MCF2L2: variants seen among roughly 807,000 people sequenced by gnomAD.
The protein encoded by MCF2L2 is MCF.2 cell line derived transforming sequence-like 2, also known as probable guanine nucleotide exchange factor MCF2L2.
MCF2L2 carries 102 observed loss-of-function variants against 150.2 expected under a neutral mutation model. The ratio of observed to expected loss-of-function variants is 0.68; its 90% CI spans 0.58 to 0.80. MCF2L2 has a LOEUF of 0.80. Among genes scored for constraint, MCF2L2 ranks in the 30% least tolerant of loss-of-function variants. The pLI is 0.00. For synonymous variants in MCF2L2, 465 were observed against 491.3 expected (o/e 0.95, Z 0.71); for missense variants, 1,256 against 1,372.8 (o/e 0.91, Z 1.34).
intron 1 of MCF2L2, among the ~76,000 whole-genome samples, chr3:183,402,451 C>CAAAAAAAAAAAAAAAAAAAAAAAAAAAA (rs779201489): frequency 1.8e-5 from 1 of 54,762 alleles, no homozygotes; most frequent in Non-Finnish European, 4.3e-5. Context: ...GAGACTCCAT[C>CAAAAAAAAAAAAAAAAAAAAAAAAAAAA]AAAAAAAAAA....
chr3:183,311,286 C>T (rs946256490), intron 8 of MCF2L2, among the ~76,000 whole-genome samples: 6 of 152,154 alleles, frequency 3.9e-5, no homozygotes, highest in Non-Finnish European at 8.8e-5. Flanking sequence ...GAATGTGCTC[C>T]GGCTGATCTT....
intron 14 of MCF2L2, among the ~76,000 whole-genome samples, chr3:183,279,144 CAAG>C (rs1727332609): frequency 6.6e-6 from 1 of 150,854 alleles, no homozygotes; most frequent in African/African-American, 2.5e-5. Flanking sequence ...CCACAACTCA[CAAG>C]AAGTACATAA....
chr3:183,327,937 ACC>A (rs1730117577), intron 5 of MCF2L2, among the ~76,000 whole-genome samples: 1 of 152,198 alleles, frequency 6.6e-6, no homozygotes, highest in Admixed American at 6.5e-5. Flanking sequence ...CTTTGGTCAC[ACC>A]TGAGTTTACA....
intron 3 of MCF2L2, among the ~76,000 whole-genome samples, chr3:183,354,477 AC>A (rs1464591488): frequency 6.8e-6 from 1 of 147,008 alleles, no homozygotes; most frequent in Non-Finnish European, 1.5e-5. Flanking sequence ...CACAACCTGC[AC>A]CCTCCCACCC....
chr3:183,378,543 C>G (rs554764012), intron 3 of MCF2L2: 3 of 152,126 alleles, frequency 2.0e-5, no homozygotes, highest in Non-Finnish European at 4.4e-5. Flanking sequence ...TTTTCCCTGG[C>G]CTTGTAGTTT....
intron 1 of MCF2L2, among the ~76,000 whole-genome samples, chr3:183,409,736 A>G (rs1397886366): frequency 6.6e-6 from 1 of 151,934 alleles, no homozygotes; most frequent in African/African-American, 2.4e-5. Flanking sequence ...TGTATTTTGT[A>G]GTAGAGGCGA....
intron 15 of MCF2L2, among the ~76,000 whole-genome samples, chr3:183,269,229 G>GTTTT (rs1305607255): frequency 1.3e-5 from 1 of 77,022 alleles, no homozygotes; most frequent in African/African-American, 1.1e-4. Context: ...CGTTTGGGAA[G>GTTTT]CTTTTTTTTT....
At chr3:183,384,754 G>A (rs1577111311) in intron 2 of MCF2L2, among the ~76,000 whole-genome samples, 1 of 152,200 alleles carries the variant, frequency 6.6e-6, no homozygotes, top group Middle Eastern at 3.4e-3. Context: ...TTTCTCTATT[G>A]TAATTCCCCT....
Position 183,191,059 on chromosome 3 carries a change from G to A in MCF2L2, c.3016+1940C>T, listed in dbSNP as rs560440490. Among the ~76,000 whole-genome samples the A allele has an allele frequency of 1.9e-3, 287 of 151,872 alleles. 1 individual carries two copies. Among genetic ancestry groups the A allele is most frequent in the African/African-American group, 6.4e-3 (266 of 41,440 alleles). On this transcript the variant is annotated intron_variant, in intron 27 of 29. Coordinates refer to ENST00000328913, the MANE Select transcript of MCF2L2 (RefSeq NM_015078.4). ...TACCACCATGCCCGGCTAATTTTTT[G>A]TATTTTTAGTTTCATCATGTTGGCC...
At chr3:183,216,768 C>T (rs1201131704) in intron 21 of MCF2L2, among the ~76,000 whole-genome samples, 2 of 149,546 alleles carry the variant, frequency 1.3e-5, no homozygotes, top group African/African-American at 2.5e-5. Context: ...CCATGCCTGG[C>T]TAATTTTTGT....
intron 1 of MCF2L2, among the ~76,000 whole-genome samples, chr3:183,417,205 T>C (rs1043716103): frequency 6.7e-6 from 1 of 149,458 alleles, no homozygotes; most frequent in Admixed American, 6.7e-5. Flanking sequence ...ATCATTTACA[T>C]CATTTTATAA....
intron 25 of MCF2L2, among the ~76,000 whole-genome samples, chr3:183,205,468 C>T (rs1339472552): frequency 6.6e-6 from 1 of 152,108 alleles, no homozygotes; most frequent in Non-Finnish European, 1.5e-5. Context: ...TAATCTAAAA[C>T]CCACTGAATT....
chr3:183,337,552 C>CAAAAAAA (rs61184812), intron 5 of MCF2L2, among the ~76,000 whole-genome samples: 6 of 71,960 alleles, frequency 8.3e-5, no homozygotes, highest in African/African-American at 2.7e-4. Context: ...GACTCCATCT[C>CAAAAAAA]AAAAAAAAAA....
chr3:183,230,410 G>T (rs550707552), intron 16 of MCF2L2, among the ~76,000 whole-genome samples: 2 of 152,074 alleles, frequency 1.3e-5, no homozygotes, highest in African/African-American at 4.8e-5. Context: ...CACTGCATCC[G>T]GCCCAATAAT....
intron 14 of MCF2L2, among the ~76,000 whole-genome samples, chr3:183,282,319 C>T (rs1194106711): frequency 6.6e-6 from 1 of 152,010 alleles, no homozygotes; most frequent in Admixed American, 6.6e-5. Flanking sequence ...GCTGGGACTA[C>T]AGGCACCCGC....
At chr3:183,298,625 G>A (rs953381047) in intron 11 of MCF2L2, 1 of 152,012 alleles carries the variant, frequency 6.6e-6, no homozygotes. Context: ...CTCATGCTTT[G>A]ATATATGCTG....
At chr3:183,185,582 A>G (rs1291829663) in intron 27 of MCF2L2, among the ~76,000 whole-genome samples, 1 of 152,208 alleles carries the variant, frequency 6.6e-6, no homozygotes, top group African/African-American at 2.4e-5. Flanking sequence ...GCCCTTCATC[A>G]TTGTGTTGTG....
intron 5 of MCF2L2, among the ~76,000 whole-genome samples, chr3:183,338,597 C>T (rs992097873): frequency 2.0e-5 from 3 of 152,094 alleles, no homozygotes; most frequent in African/African-American, 7.2e-5. Flanking sequence ...TTTACGTGCT[C>T]CAACAAAAAT....
chr3:183,223,537 G>T, intron 19 of MCF2L2, 99 bp from the exon 20 acceptor site: 1 of 798,522 alleles, frequency 1.3e-6, no homozygotes, highest in Non-Finnish European at 2.1e-6. Context: ...TGCTTTTCCT[G>T]GACAACAGGG....
Sources: gnomAD v4.1 joint callset for allele counts (sites outside exome capture counted in the v4.1 genomes callset) on GRCh38, gnomAD v4.1.1 for gene constraint, MANE v1.5 for transcripts, NCBI Gene and HGNC (gene_info 2026-07-23, HGNC 2026-07-21) for gene names.